The following GNG2 variants were observed in gnomAD, a reference collection of about 807,000 sequenced individuals.
The protein encoded by GNG2 is guanine nucleotide-binding protein G(I)/G(S)/G(O) subunit gamma-2.
In GNG2, 5 loss-of-function variants were observed where a neutral mutation model predicts 5.5. The ratio of observed to expected loss-of-function variants is 0.91; its 90% confidence interval spans 0.48 to 1.92. The LOEUF (loss-of-function observed/expected upper bound fraction) is 1.92. Ranked by LOEUF, GNG2 falls within the 30% of genes most tolerant of loss-of-function variation. GNG2 has a pLI of 0.01. For synonymous variants in GNG2, 28 were observed against 32.0 expected (o/e 0.88, Z 0.42); for missense variants, 55 against 88.4 (o/e 0.62, Z 1.52).
intron 2 of GNG2, among the ~76,000 whole-genome samples, chr14:51,949,150 G>A (rs1244674623): frequency 6.6e-6 from 1 of 151,596 alleles, no homozygotes; most frequent in African/African-American, 2.4e-5. Flanking sequence ...AAGAAATTGA[G>A]GGAACAATTA....
chr14:51,904,068 A>G (rs187455270), intron 2 of GNG2, among the ~76,000 whole-genome samples: 1 of 152,334 alleles, frequency 6.6e-6, no homozygotes, highest in East Asian at 1.9e-4. Flanking sequence ...CAGGATGGGT[A>G]GACAGAATAA....
At chr14:51,955,133 T>G (rs1889206246) in intron 3 of GNG2, among the ~76,000 whole-genome samples, 1 of 152,174 alleles carries the variant, frequency 6.6e-6, no homozygotes, top group Non-Finnish European at 1.5e-5. Context: ...GATTGCTTCT[T>G]AACTAATTGG....
At chr14:51,876,002 A>T (rs550740849) in intron 1 of GNG2, among the ~76,000 whole-genome samples, 2 of 144,838 alleles carry the variant, frequency 1.4e-5, no homozygotes, top group East Asian at 4.0e-4. Flanking sequence ...CAGTAGCATG[A>T]TTATGGCTCA....
Position 51,875,523 on chromosome 14 carries a change from T to A in GNG2, c.-70-2094T>A, listed in dbSNP as rs1223701641. 4.6e-5 allele frequency among the ~76,000 whole-genome samples: 7 copies of A among 152,204 alleles called. No homozygotes were observed. The East Asian group carries it at 1.3e-3, about 29-fold the overall frequency. The stretch of plus-strand genomic sequence containing the variant: ...TAGCAATTTCTGCCACTTTTGTTAT[T>A]CTGTTGAACAGAGGAAATATATTGT... On this transcript the variant is annotated intron_variant, in intron 1 of 3. Transcript: ENST00000556766.
chr14:51,953,210 G>GT (rs1203934397), intron 3 of GNG2, among the ~76,000 whole-genome samples: 1 of 152,124 alleles, frequency 6.6e-6, no homozygotes, highest in Non-Finnish European at 1.5e-5. Flanking sequence ...GATTTTTGCT[G>GT]TTTGTTCAGT....
rs79866533 is a variant in GNG2 at position 51,894,636 on chromosome 14, T to C, written c.-30+16979T>C. ...AAATCCTAACAGAGGAAACTAATTATTTACATTTCAGTTTTTTTTTAAGTA... is the reference window on the plus strand; with the variant it reads ...AAATCCTAACAGAGGAAACTAATTACTTACATTTCAGTTTTTTTTTAAGTA... On this transcript the variant is annotated intron_variant, in intron 2 of 3. Transcript: ENST00000556766. 6.7e-3 allele frequency among the ~76,000 whole-genome samples: 1,018 copies of C among 151,860 alleles called. 7 individuals carry two copies. The highest frequency in any genetic ancestry group is 0.011 in the Non-Finnish European group (728 of 67,970).
At chr14:51,826,735 C>T (rs900134626) in intron 1 of GNG2, among the ~76,000 whole-genome samples, 1 of 152,052 alleles carries the variant, frequency 6.6e-6, no homozygotes, top group African/African-American at 2.4e-5. Flanking sequence ...ATGGGACCAA[C>T]GTTACTTGCT....
At chr14:51,885,844 G>A (rs1456252143) in intron 2 of GNG2, among the ~76,000 whole-genome samples, 1 of 152,140 alleles carries the variant, frequency 6.6e-6, no homozygotes, top group African/African-American at 2.4e-5. Context: ...GCTCAGATAG[G>A]ATCAAGATCC....
At chr14:51,828,765 C>T (rs1311352310) in intron 2 of GNG2, among the ~76,000 whole-genome samples, 1 of 152,108 alleles carries the variant, frequency 6.6e-6, no homozygotes, top group East Asian at 1.9e-4. Context: ...GGCCTCTTCT[C>T]CTCCCCAGAA....
At chr14:51,852,168 T>A (rs568377653) in intron 2 of GNG2, among the ~76,000 whole-genome samples, 5 of 152,272 alleles carry the variant, frequency 3.3e-5, no homozygotes, top group Non-Finnish European at 7.4e-5. Context: ...ACTCTTTTCA[T>A]TGGAAAATAA....
At chr14:51,911,639 G>C (rs1352874217) in intron 2 of GNG2, among the ~76,000 whole-genome samples, 1 of 126,876 alleles carries the variant, frequency 7.9e-6, no homozygotes, top group African/African-American at 3.2e-5. Context: ...TAACTCTTGG[G>C]CTCATGTAAT....
intron 2 of GNG2, among the ~76,000 whole-genome samples, chr14:51,883,688 A>G (rs575956026): frequency 6.6e-6 from 1 of 152,366 alleles, no homozygotes; most frequent in South Asian, 2.1e-4. Context: ...CGTAGAGATG[A>G]AAACTAGATT....
chr14:51,831,014 C>T (rs1305916440), intron 2 of GNG2, among the ~76,000 whole-genome samples: 1 of 152,198 alleles, frequency 6.6e-6, no homozygotes, highest in African/African-American at 2.4e-5. Flanking sequence ...ACATGATGGC[C>T]TCCTTGCTAA....
chr14:51,948,235 T>G (rs1003409267), intron 2 of GNG2, among the ~76,000 whole-genome samples: 1 of 152,232 alleles, frequency 6.6e-6, no homozygotes, highest in Non-Finnish European at 1.5e-5. Flanking sequence ...TTCAGGGTTC[T>G]TGTGGTCTCC....
intron 2 of GNG2, chr14:51,916,640 G>A (rs901563322): frequency 7.8e-6 from 3 of 385,612 alleles, no homozygotes; most frequent in Non-Finnish European, 1.5e-5. Context: ...GCCAGGTGCT[G>A]GGAGGCCTAC....
chr14:51,860,068 G>T (rs186725505), upstream of GNG2, among the ~76,000 whole-genome samples: 1 of 152,232 alleles, frequency 6.6e-6, no homozygotes, highest in Admixed American at 6.5e-5. Flanking sequence ...TGAAATGTTG[G>T]CCACAGAGAA....
intron 2 of GNG2, among the ~76,000 whole-genome samples, chr14:51,836,856 C>CT (rs369095215): frequency 0.33 from 43,654 of 130,584 alleles, 8,131 homozygotes; most frequent in South Asian, 0.42. Context: ...GTGACTTCAT[C>CT]TTTTTTTTTT....
intron 2 of GNG2, among the ~76,000 whole-genome samples, chr14:51,830,632 T>A (rs1486647881): frequency 6.6e-6 from 1 of 152,262 alleles, no homozygotes; most frequent in Non-Finnish European, 1.5e-5. Context: ...ATTGAATCCA[T>A]AGCAAACTTT....
intron 1 of GNG2, among the ~76,000 whole-genome samples, chr14:51,866,870 C>T (rs1389772403): frequency 1.4e-4 from 22 of 152,204 alleles, no homozygotes; most frequent in Admixed American, 1.4e-3. Flanking sequence ...ATCATTCATT[C>T]TCCTCTTCCT....
Sources: allele counts gnomAD v4.1 joint callset (sites outside exome capture counted in the v4.1 genomes callset), GRCh38; gene constraint gnomAD v4.1.1; transcripts MANE v1.5; gene names NCBI Gene and HGNC (gene_info 2026-07-23, HGNC 2026-07-21).